The following RAB11FIP4 variants were observed in gnomAD, a reference collection of about 807,000 sequenced individuals.
RAB11FIP4 encodes the protein rab11 family-interacting protein 4.
A neutral mutation model predicts 74.3 loss-of-function variants in RAB11FIP4; 23 were observed. The ratio of observed to expected loss-of-function variants is 0.31; its 90% CI spans 0.22 to 0.44. RAB11FIP4 has a LOEUF of 0.44. RAB11FIP4 is among the 20% of genes least tolerant of loss of function. The pLI is 1.00. For synonymous variants in RAB11FIP4, 360 were observed against 359.9 expected, an observed-to-expected ratio of 1.00 and a Z score of 0.00; for missense variants, 630 against 863.9, an observed-to-expected ratio of 0.73 and a Z score of 3.39.
intron 1 of RAB11FIP4, among the ~76,000 whole-genome samples, chr17:31,399,927 C>CA (rs2070968719): frequency 6.6e-6 from 1 of 151,072 alleles, no homozygotes; most frequent in African/African-American, 2.4e-5. Flanking sequence ...CCTGTTATCT[C>CA]AGCTACTCGG....
chr17:31,505,687 T>TATAATAATTATATA (rs2072334775), intron 3 of RAB11FIP4, among the ~76,000 whole-genome samples: 4 of 80,948 alleles, frequency 4.9e-5, no homozygotes, highest in East Asian at 2.3e-4. Context: ...TATTATAATA[T>TATAATAATTATATA]ATAATAATTA....
intron 3 of RAB11FIP4, among the ~76,000 whole-genome samples, chr17:31,499,110 T>C (rs1410084415): frequency 6.6e-6 from 1 of 152,218 alleles, no homozygotes; most frequent in African/African-American, 2.4e-5. Context: ...GTCCATGCTT[T>C]TCTTGGGGGA....
chr17:31,464,174 T>C (rs1436822516), intron 3 of RAB11FIP4, among the ~76,000 whole-genome samples: 1 of 151,992 alleles, frequency 6.6e-6, no homozygotes, highest in African/African-American at 2.4e-5. Flanking sequence ...TACTTGCCTG[T>C]GTTTGAACAT....
intron 1 of RAB11FIP4, among the ~76,000 whole-genome samples, chr17:31,410,690 G>A (rs1348355257): frequency 2.6e-5 from 4 of 152,184 alleles, no homozygotes; most frequent in Non-Finnish European, 1.5e-5. Flanking sequence ...TGCCTGGGAA[G>A]GGGTGATGGC....
chr17:31,494,293 G>A (rs190749025), intron 3 of RAB11FIP4, among the ~76,000 whole-genome samples: 34 of 151,376 alleles, frequency 2.2e-4, no homozygotes, highest in South Asian at 2.1e-4. Context: ...CCTGTAAAAC[G>A]AGGATGAGGC....
intron 3 of RAB11FIP4, among the ~76,000 whole-genome samples, chr17:31,509,971 G>A (rs2072422782): frequency 6.6e-6 from 1 of 152,192 alleles, no homozygotes; most frequent in South Asian, 2.1e-4. Flanking sequence ...CAACTGATAA[G>A]TACCCAGCCT....
chr17:31,439,000 C>T (rs934405691), intron 3 of RAB11FIP4, among the ~76,000 whole-genome samples: 3 of 152,186 alleles, frequency 2.0e-5, no homozygotes, highest in African/African-American at 7.2e-5. Flanking sequence ...CTCCCTGACT[C>T]CTTCTGCCCC....
At chr17:31,417,117 C>T (rs937420720) in intron 1 of RAB11FIP4, among the ~76,000 whole-genome samples, 11 of 151,996 alleles carry the variant, frequency 7.2e-5, no homozygotes, top group African/African-American at 2.7e-4. Context: ...CGTCCTTCCC[C>T]ACTGTCCCCC....
chr17:31,407,040 A>ATTTTTTTTTTTTTTTTTTTT (rs59919036), intron 1 of RAB11FIP4, among the ~76,000 whole-genome samples: 1 of 51,208 alleles, frequency 2.0e-5, no homozygotes, highest in Non-Finnish European at 3.5e-5. Context: ...GTTTCACTTG[A>ATTTTTTTTTTTTTTTTTTTT]TTTTTTTTTT....
In RAB11FIP4 at chr17:31,517,858, C is replaced by T. The variant is rs1376681116; in HGVS notation, c.544C>T (p.Leu182=). The T allele has an allele frequency of 3.9e-6, 6 of 1,551,478 alleles. No homozygotes were observed. The highest frequency in any genetic ancestry group is 1.4e-5 in the African/African-American group (1 of 73,012). ...CGAGAAGGACGGGGGACTTGGGGGC[C>T]TGTTTCTGCCAGAAGACAAGTGAGT... ...PAEKDGGLGG[L]FLPEDKSLVH... The change falls in exon 4 of 15, where the codon CTG becomes TTG. Residue 182 remains leucine, a synonymous_variant. Transcript: ENST00000621161.
At chr17:31,419,274 TGA>T (rs1327420464) in intron 1 of RAB11FIP4, among the ~76,000 whole-genome samples, 1 of 149,438 alleles carries the variant, frequency 6.7e-6, no homozygotes, top group African/African-American at 2.5e-5. Context: ...TCTACTTTGT[TGA>T]GAGTTTTTTT....
chr17:31,485,719 C>T (rs1191545963), intron 3 of RAB11FIP4, among the ~76,000 whole-genome samples: 1 of 152,116 alleles, frequency 6.6e-6, no homozygotes, highest in African/African-American at 2.4e-5. Flanking sequence ...CATACCACAC[C>T]TTTGAGGAGT....
chr17:31,491,640 C>T (rs2072010975), intron 3 of RAB11FIP4, among the ~76,000 whole-genome samples: 1 of 152,288 alleles, frequency 6.6e-6, no homozygotes, highest in Non-Finnish European at 1.5e-5. Flanking sequence ...GATTGGAGAG[C>T]AAGCCAGGGC....
chr17:31,474,845 AAAAACAAAAC>A (rs71360776), intron 3 of RAB11FIP4, among the ~76,000 whole-genome samples: 4 of 127,658 alleles, frequency 3.1e-5, no homozygotes, highest in African/African-American at 5.6e-5. Context: ...CACTGTCTCA[AAAAACAAAAC>A]AAAACAAAAC....
In RAB11FIP4 at chr17:31,522,033, A is replaced by C. The variant is rs1411336042; in HGVS notation, c.877A>C (p.Asn293His). ...CAATGACTTGGAAGCCCGACTGAAA[A>C]ACCTGAAGGCCAACAGGTGAGGCCC... The part of the protein sequence containing the change: ...LLNDLEARLK[N>H]LKANSPNRKI... Residue 293 changes from asparagine to histidine, a missense_variant, in exon 6 of 15, where the codon AAC becomes CAC. Coordinates refer to ENST00000621161, the MANE Select transcript of RAB11FIP4 (RefSeq NM_032932.6). 2 of 1,614,066 alleles carry C rather than the reference A, an allele frequency of 1.2e-6. No homozygotes were observed. The highest frequency in any genetic ancestry group is 2.2e-5 in the South Asian group (2 of 91,086).
intron 3 of RAB11FIP4, among the ~76,000 whole-genome samples, chr17:31,489,596 G>A (rs1302763804): frequency 2.0e-5 from 3 of 152,286 alleles, no homozygotes; most frequent in Admixed American, 6.5e-5. Context: ...TTACACACGG[G>A]ACACTTCCCT....
intron 3 of RAB11FIP4, among the ~76,000 whole-genome samples, chr17:31,501,081 A>C (rs754843981): frequency 2.1e-4 from 32 of 152,170 alleles, no homozygotes; most frequent in Non-Finnish European, 4.1e-4. Flanking sequence ...TGTTTATAGA[A>C]TGCCATCCTG....
At chr17:31,402,855 G>A (rs2071004571) in intron 1 of RAB11FIP4, among the ~76,000 whole-genome samples, 1 of 151,778 alleles carries the variant, frequency 6.6e-6, no homozygotes, top group Non-Finnish European at 1.5e-5. Flanking sequence ...TCGATCTCCT[G>A]ACCTTGTGAT....
chr17:31,493,696 A>G (rs1441658933), intron 3 of RAB11FIP4, among the ~76,000 whole-genome samples: 2 of 152,130 alleles, frequency 1.3e-5, no homozygotes, highest in African/African-American at 4.8e-5. Flanking sequence ...CTAGGTCTAG[A>G]TCCTGGCTCT....
Sources: allele counts gnomAD v4.1 joint callset (sites outside exome capture counted in the v4.1 genomes callset), GRCh38; gene constraint gnomAD v4.1.1; transcripts MANE v1.5; gene names NCBI Gene and HGNC (gene_info 2026-07-23, HGNC 2026-07-21).